The following TBC1D5 variants were observed in gnomAD, a reference collection of about 807,000 sequenced individuals.
The protein encoded by TBC1D5 is TBC1 domain family, member 5.
Under a neutral mutation model 100.3 loss-of-function variants are expected in TBC1D5, and 75 were observed. That is an observed-to-expected ratio of 0.75 (90% confidence interval 0.62 to 0.91). The LOEUF is 0.91. TBC1D5 is among the 40% of genes least tolerant of loss of function. The pLI, the probability that TBC1D5 is intolerant of heterozygous loss-of-function variation, is 0.00. For synonymous variants in TBC1D5, 323 were observed against 325.6 expected (o/e 0.99, Z 0.09); for missense variants, 910 against 942.4 (o/e 0.97, Z 0.45).
intron 8 of TBC1D5, among the ~76,000 whole-genome samples, chr3:17,396,462 G>A (rs866737344): frequency 1.3e-5 from 2 of 151,916 alleles, no homozygotes; most frequent in South Asian, 4.2e-4. Context: ...GGGCTTGGAG[G>A]AAACTGTGTA....
At chr3:17,368,687 T>A (rs2092307060) in intron 13 of TBC1D5, among the ~76,000 whole-genome samples, 1 of 151,774 alleles carries the variant, frequency 6.6e-6, no homozygotes, top group Non-Finnish European at 1.5e-5. Context: ...TATTTTTTAT[T>A]TTCTTTTTAA....
intron 2 of TBC1D5, among the ~76,000 whole-genome samples, chr3:17,536,146 T>C (rs1433548176): frequency 6.6e-6 from 1 of 152,094 alleles, no homozygotes; most frequent in Non-Finnish European, 1.5e-5. Flanking sequence ...AACACTGAAG[T>C]AGTCTTTACA....
At chr3:17,531,090 A>G (rs1273528754) in intron 2 of TBC1D5, among the ~76,000 whole-genome samples, 2 of 152,156 alleles carry the variant, frequency 1.3e-5, no homozygotes, top group Non-Finnish European at 2.9e-5. Context: ...AAACCCCATC[A>G]TCTCAGCCCA....
At chr3:17,448,588 T>C (rs749218218) in intron 3 of TBC1D5, among the ~76,000 whole-genome samples, 1 of 152,216 alleles carries the variant, frequency 6.6e-6, no homozygotes, top group Non-Finnish European at 1.5e-5. Flanking sequence ...ACAACATTAA[T>C]CTTGTACATC....
At chr3:17,209,837 T>C (rs926438254) in intron 18 of TBC1D5, among the ~76,000 whole-genome samples, 4 of 152,222 alleles carry the variant, frequency 2.6e-5, no homozygotes, top group Admixed American at 2.6e-4. Flanking sequence ...ATTCTTTCAA[T>C]TTTATCTTTT....
At chr3:17,612,091 G>A (rs2061710426) in intron 2 of TBC1D5, among the ~76,000 whole-genome samples, 1 of 152,046 alleles carries the variant, frequency 6.6e-6, no homozygotes, top group Admixed American at 6.6e-5. Context: ...CTTGAGCCCA[G>A]GAGTAGGAGA....
chr3:17,595,119 C>T (rs532891348), intron 2 of TBC1D5, among the ~76,000 whole-genome samples: 2 of 152,272 alleles, frequency 1.3e-5, no homozygotes, highest in East Asian at 1.9e-4. Flanking sequence ...CCTTGAACAT[C>T]GGACTCCAAG....
chr3:17,357,659 C>T (rs1046573954), intron 13 of TBC1D5, among the ~76,000 whole-genome samples: 9 of 152,122 alleles, frequency 5.9e-5, no homozygotes, highest in African/African-American at 1.7e-4. Flanking sequence ...ATTACTTAGA[C>T]GTACTTAATA....
In TBC1D5 at chr3:17,209,597, T is replaced by A. The variant is rs181531568; in HGVS notation, c.1752+4610A>T. On this transcript the variant is annotated intron_variant, in intron 18 of 21. Transcript: ENST00000253692. ...CATCTTCTCAACAGGTATAGTGTGA[T>A]TCTGATTAGATTCATATTCAACAGG... is the stretch of plus-strand genomic sequence containing the variant. Among the ~76,000 whole-genome samples the A allele has an allele frequency of 2.4e-4, 36 of 152,336 alleles. No homozygotes were observed. The East Asian group carries it at 6.9e-3, about 29-fold the overall frequency.
intron 4 of TBC1D5, 57 bp downstream of exon 4, chr3:17,428,393 A>G (rs2094382632): frequency 1.3e-5 from 5 of 398,134 alleles, no homozygotes; most frequent in South Asian, 1.1e-4. Flanking sequence ...TTATAATATT[A>G]TATGTGTGTG....
In TBC1D5 at chr3:17,325,300, T is replaced by TAG. The variant is rs1397867434; in HGVS notation, c.996-17168_996-17167dup. 2.7e-5 allele frequency among the ~76,000 whole-genome samples: 4 copies of TAG among 146,584 alleles called. No homozygotes were observed. In the East Asian group the frequency reaches 7.8e-4, roughly 29 times the overall value. On this transcript the variant is annotated intron_variant, in intron 13 of 21. Coordinates refer to ENST00000253692, the Ensembl canonical transcript of TBC1D5. Reference sequence around the variant, plus strand: ...AAAAAAAAAAGAAATGAACTATTGATAGAGGCAATAATATGGATGAATCTT... The same window carrying TAG: ...AAAAAAAAAAGAAATGAACTATTGATAGAGAGGCAATAATATGGATGAATCTT...
intron 8 of TBC1D5, among the ~76,000 whole-genome samples, chr3:17,401,264 AT>A (rs1246960677): frequency 6.7e-6 from 1 of 148,664 alleles, no homozygotes; most frequent in Non-Finnish European, 1.5e-5. Context: ...ATACATATAT[AT>A]GTATGTGTAT....
chr3:17,689,176 G>A lies in TBC1D5; in HGVS notation c.-101+50167C>T, dbSNP rs964137761. On this transcript the variant is annotated intron_variant, in intron 1 of 21. Transcript: ENST00000253692. ...TCAAAGCTACTAACAAGTGCATGGA[G>A]TTGGCCAAAATAGCAAACAAACAAA... Among the ~76,000 whole-genome samples, 8 of 152,262 alleles carry A rather than the reference G, an allele frequency of 5.3e-5. No homozygotes were observed. In the East Asian group the frequency reaches 1.5e-3, roughly 29 times the overall value.
chr3:17,497,242 C>A (rs868145284), intron 3 of TBC1D5, among the ~76,000 whole-genome samples: 4 of 152,274 alleles, frequency 2.6e-5, no homozygotes, highest in Non-Finnish European at 4.4e-5. Context: ...AAAGTACTCA[C>A]CTTGTCACTC....
chr3:17,356,688 G>A (rs1366011179), intron 13 of TBC1D5, among the ~76,000 whole-genome samples: 1 of 152,166 alleles, frequency 6.6e-6, no homozygotes, highest in Non-Finnish European at 1.5e-5. Flanking sequence ...CCAAACTTCT[G>A]ACCAACTAGA....
At chr3:17,365,641 AG>A (rs1326829802) in intron 13 of TBC1D5, among the ~76,000 whole-genome samples, 1 of 152,106 alleles carries the variant, frequency 6.6e-6, no homozygotes, top group Non-Finnish European at 1.5e-5. Flanking sequence ...TGTGGACCTT[AG>A]GCTCTCCAGG....
rs116001429 is a variant in TBC1D5, at chr3:17,569,075, A to C, written c.-36+54774T>G. On this transcript the variant is annotated intron_variant, in intron 2 of 21. Transcript: ENST00000253692. Reference sequence around the variant, plus strand: ...AGCCATACACTGGCAAATACCCACAAAAAGAGAACAAGGGCACTCTCTGAA... The same window carrying C: ...AGCCATACACTGGCAAATACCCACACAAAGAGAACAAGGGCACTCTCTGAA... Among the ~76,000 whole-genome samples the C allele has an allele frequency of 7.0e-3, 1,068 of 151,998 alleles. 9 individuals are homozygous for C. Among genetic ancestry groups the C allele is most frequent in the African/African-American group, 0.024 (1,005 of 41,552 alleles).
chr3:17,229,331 A>G (rs2596673), intron 17 of TBC1D5, among the ~76,000 whole-genome samples: 62,219 of 151,996 alleles, frequency 0.41, 13,451 homozygotes, highest in Middle Eastern at 0.49. Context: ...CTACTAATGA[A>G]AGACATGCAT....
rs1489674185 is a variant in TBC1D5, at chr3:17,345,638, C to T, written c.995+26437G>A. Among the ~76,000 whole-genome samples the T allele has an allele frequency of 2.6e-5, 4 of 151,666 alleles. No homozygotes were observed. In the East Asian group the frequency reaches 5.8e-4, roughly 22 times the overall value. On this transcript the variant is annotated intron_variant, in intron 13 of 21. Coordinates refer to ENST00000253692, the Ensembl canonical transcript of TBC1D5. ...ATGCACACGTATGTTTATTGCGGCA[C>T]TATTCACAATAGCAAAGACTTGGAA...
Sources: allele counts gnomAD v4.1 joint callset (sites outside exome capture counted in the v4.1 genomes callset), GRCh38; gene constraint gnomAD v4.1.1; transcripts MANE v1.5; gene names NCBI Gene and HGNC (gene_info 2026-07-23, HGNC 2026-07-21).